The following CD8B2 variants were observed in gnomAD, a reference collection of about 807,000 sequenced individuals.
CD8B2 encodes the protein T-cell surface glycoprotein CD8 beta-2 chain.
In CD8B2, 11 loss-of-function variants were observed where a neutral mutation model predicts 23.7. The ratio of observed to expected loss-of-function variants is 0.46; its 90% CI spans 0.29 to 0.77. The LOEUF (loss-of-function observed/expected upper bound fraction) is 0.77, where lower values mean the gene tolerates loss of function less well. Among genes scored for constraint, CD8B2 ranks in the 30% least tolerant of loss-of-function variants. The probability of loss-of-function intolerance (pLI) is 0.09; values close to 1 mark genes in which losing one functional copy is unlikely to be tolerated. For missense variants in CD8B2, 197 were observed against 270.5 expected (o/e 0.73, Z 1.91); for synonymous variants, 90 against 109.3 (o/e 0.82, Z 1.10).
Position 106,508,880 on chromosome 2 carries a change from G to T in CD8B2, c.*1940G>T, listed in dbSNP as rs1246330972. 6.6e-6 allele frequency: 1 copy of T among 152,180 alleles called. No individual in the cohort carries two copies. Among genetic ancestry groups the T allele is most frequent in the Non-Finnish European group, 1.5e-5 (1 of 68,106 alleles). 9.4% of individuals were successfully genotyped at this position (152,180 alleles called of 1,614,324 possible). On this transcript the variant is annotated 3_prime_UTR_variant, in exon 6 of 6. Transcript: ENST00000643224. ...GTAGCCTTTGATCCTTGGTTACTCA[G>T]TGTGGGGAGATGGGGTTTTTCCTTT...
chr2:106,533,786 C>T lies in CD8B2; in HGVS notation c.621-10206C>T, dbSNP rs137925736. Among the ~76,000 whole-genome samples the T allele has an allele frequency of 1.3e-4, 20 of 152,284 alleles. 1 individual carries two copies. Among genetic ancestry groups the T allele is most frequent in the African/African-American group, 3.1e-4 (13 of 41,560 alleles). ...CCCTTGGTTGAATGGGAGAGTTCCT[C>T]GGCAAACAGCTGACCTGAGCCACAG... On this transcript the variant is annotated intron_variant, in intron 5 of 5. Coordinates refer to the CD8B2 transcript ENST00000416057.
intron 5 of CD8B2, among the ~76,000 whole-genome samples, chr2:106,537,629 A>C (rs4490178): frequency 0.047 from 7,111 of 152,140 alleles, 212 homozygotes; most frequent in Middle Eastern, 0.12. Flanking sequence ...CAGCTCTCTA[A>C]ACACCAGATT....
chr2:106,519,619 T>G (rs1482624510), intron 5 of CD8B2, among the ~76,000 whole-genome samples: 1 of 152,130 alleles, frequency 6.6e-6, no homozygotes, highest in Admixed American at 6.5e-5. Flanking sequence ...ACCCCAACGC[T>G]GAGACCCAAA....
At chr2:106,492,052 G>A (rs1333369600) in intron 2 of CD8B2, among the ~76,000 whole-genome samples, 1 of 152,184 alleles carries the variant, frequency 6.6e-6, no homozygotes, top group African/African-American at 2.4e-5. Flanking sequence ...AGGGACAGGT[G>A]CCCTTATGTT....
intron 5 of CD8B2, among the ~76,000 whole-genome samples, chr2:106,527,430 C>T (rs867498707): frequency 4.6e-5 from 7 of 152,170 alleles, no homozygotes; most frequent in African/African-American, 7.2e-5. Context: ...TTTAAGCAAT[C>T]GAATGTTGCC....
chr2:106,494,124 C>G (rs1338682224), intron 2 of CD8B2, among the ~76,000 whole-genome samples: 1 of 151,822 alleles, frequency 6.6e-6, no homozygotes, highest in Non-Finnish European at 1.5e-5. Context: ...GTGGGCTTCC[C>G]CTGCCTGTTC....
rs544967035 is a variant in CD8B2 at position 106,507,903 on chromosome 2, C to A, written c.*963C>A. 6.6e-6 allele frequency: 1 copy of A among 150,408 alleles called. No homozygotes were observed. The highest frequency in any genetic ancestry group is 1.5e-5 in the Non-Finnish European group (1 of 67,736). 9.3% of individuals were successfully genotyped at this position (150,408 alleles called of 1,614,324 possible). On this transcript the variant is annotated 3_prime_UTR_variant, in exon 6 of 6. Coordinates refer to ENST00000643224, the MANE Select transcript of CD8B2 (RefSeq NM_001349727.2). ...AGCCCACTCCCAAGCTGAACTAGCACGTGTTCATTTCTACCGCGGGTTGAA... is the reference window on the plus strand; with the variant it reads ...AGCCCACTCCCAAGCTGAACTAGCAAGTGTTCATTTCTACCGCGGGTTGAA...
intron 3 of CD8B2, among the ~76,000 whole-genome samples, chr2:106,500,521 A>AAAATAAATAAATAAAT (rs61641919): frequency 4.8e-4 from 69 of 143,326 alleles, no homozygotes; most frequent in East Asian, 1.4e-3. Context: ...CTCCGTCTCA[A>AAAATAAATAAATAAAT]AAATAAATAA....
At chr2:106,514,286 CTTTTTT>C (rs536439504), downstream of CD8B2, among the ~76,000 whole-genome samples, 1 of 112,038 alleles carries the variant, frequency 8.9e-6, no homozygotes, top group Non-Finnish European at 1.8e-5. Flanking sequence ...GAACGCTTGT[CTTTTTT>C]TTTTTTTTTT....
intron 5 of CD8B2, among the ~76,000 whole-genome samples, chr2:106,534,776 G>A (rs1352287202): frequency 6.6e-6 from 1 of 152,100 alleles, no homozygotes; most frequent in Admixed American, 6.6e-5. Context: ...TCAAAACACT[G>A]GAAGAGAATA....
intron 3 of CD8B2, among the ~76,000 whole-genome samples, chr2:106,497,937 A>G (rs1679329273): frequency 6.6e-6 from 1 of 152,066 alleles, no homozygotes; most frequent in Non-Finnish European, 1.5e-5. Flanking sequence ...CAAAGGGAAG[A>G]CCCCAAGTTG....
At chr2:106,514,490 C>T (rs7595756), downstream of CD8B2, among the ~76,000 whole-genome samples, 149,230 of 151,536 alleles carry the variant, frequency 0.98, 73,517 homozygotes, top group East Asian at 1. Context: ...GGTTTCACCA[C>T]GTTGGTCAGG....
At chr2:106,517,903 A>G (rs12472177) in intron 5 of CD8B2, among the ~76,000 whole-genome samples, 73,280 of 151,658 alleles carry the variant, frequency 0.48, 18,028 homozygotes, top group South Asian at 0.57. Flanking sequence ...TTTAGTAGAG[A>G]CGGGGTTTCA....
At chr2:106,527,523 G>A (rs907016018) in intron 5 of CD8B2, among the ~76,000 whole-genome samples, 4 of 152,212 alleles carry the variant, frequency 2.6e-5, no homozygotes, top group Admixed American at 6.5e-5. Context: ...AGTGGCTCAC[G>A]CCTGTAATCC....
At chr2:106,522,887 A>C (rs548482312) in intron 5 of CD8B2, among the ~76,000 whole-genome samples, 6 of 152,304 alleles carry the variant, frequency 3.9e-5, no homozygotes, top group African/African-American at 1.2e-4. Context: ...TCAGGGGCTC[A>C]GAGAATGTGC....
intron 1 of CD8B2, among the ~76,000 whole-genome samples, chr2:106,490,179 C>T (rs576708083): frequency 0.014 from 2,171 of 152,198 alleles, 44 homozygotes; most frequent in African/African-American, 0.049. Context: ...CCTGGGTCTC[C>T]TTCGGCAGTT....
At chr2:106,490,150 G>T (rs1350595458) in intron 1 of CD8B2, among the ~76,000 whole-genome samples, 1 of 151,946 alleles carries the variant, frequency 6.6e-6, no homozygotes, top group Non-Finnish European at 1.5e-5. Context: ...TGTGATTCTG[G>T]GCTCCTCTCC....
chr2:106,494,517 T>A (rs1573329867), intron 2 of CD8B2, among the ~76,000 whole-genome samples: 1 of 151,886 alleles, frequency 6.6e-6, no homozygotes, highest in South Asian at 2.1e-4. Flanking sequence ...AGGTTCATGG[T>A]GTCTCCTTAC....
At chr2:106,515,011 C>G (rs1294489369), downstream of CD8B2, among the ~76,000 whole-genome samples, 6 of 152,322 alleles carry the variant, frequency 3.9e-5, no homozygotes, top group Middle Eastern at 3.4e-3. Context: ...CTGGAATAAT[C>G]GAGCGCTACA....
Sources: allele counts gnomAD v4.1 joint callset (sites outside exome capture counted in the v4.1 genomes callset), GRCh38; gene constraint gnomAD v4.1.1; transcripts MANE v1.5; gene names NCBI Gene and HGNC (gene_info 2026-07-23, HGNC 2026-07-21).